ABCB10: variants seen among roughly 807,000 people sequenced by gnomAD.
ABCB10 encodes the protein ATP-binding cassette sub-family B member 10, mitochondrial.
A neutral mutation model predicts 65.4 loss-of-function variants in ABCB10; 54 were observed. The observed-to-expected ratio is 0.83, with a 90% CI of 0.66 to 1.04. The LOEUF (loss-of-function observed/expected upper bound fraction) is 1.04, where lower values mean the gene tolerates loss of function less well. Among genes scored for constraint, ABCB10 ranks in the 50% least tolerant of loss-of-function variants. The probability of loss-of-function intolerance (pLI) is 0.00; values close to 1 mark genes in which losing one functional copy is unlikely to be tolerated. For synonymous variants in ABCB10, 418 were observed against 406.5 expected (o/e 1.03, Z -0.34); for missense variants, 846 against 976.6 (o/e 0.87, Z 1.78).
At chr1:229,540,467 A>G in intron 5 of ABCB10, 139 bp downstream of exon 5, 2 of 887,418 alleles carry the variant, frequency 2.3e-6, no homozygotes, top group Non-Finnish European at 3.2e-6. Context: ...TATTTTAAAG[A>G]AAGTCATTCT....
intron 12 of ABCB10, 109 bp from the exon 13 acceptor site, chr1:229,518,519 A>G: frequency 1.1e-6 from 1 of 910,644 alleles, no homozygotes; most frequent in Non-Finnish European, 1.7e-6. Flanking sequence ...CATGATCAAA[A>G]TTTCAACTGT....
chr1:229,519,024 G>A (rs373546717), intron 11 of ABCB10, 149 bp from the exon 12 acceptor site: 1 of 604,288 alleles, frequency 1.7e-6, no homozygotes, highest in Non-Finnish European at 2.8e-6. Flanking sequence ...CAGACACAAA[G>A]AATCACATAC....
At chr1:229,540,326 G>C (rs1662814608) in intron 5 of ABCB10, among the ~76,000 whole-genome samples, 1 of 152,106 alleles carries the variant, frequency 6.6e-6, no homozygotes, top group African/African-American at 2.4e-5. Context: ...GCTGAGTCTT[G>C]GTGAGGCAGA....
In ABCB10 at chr1:229,558,644, G is replaced by C. The variant is rs1193093473; in HGVS notation, c.9C>G (p.Gly3=). 7.4e-6 allele frequency: 10 copies of C among 1,360,350 alleles called. No homozygotes were observed. The highest frequency in any genetic ancestry group is 9.4e-6 in the Non-Finnish European group (10 of 1,058,700). The allele number at this position is 1,360,350 out of a possible 1,614,324, so 84.3% of individuals were successfully genotyped here. Residue 3 remains glycine, a synonymous_variant, in exon 1 of 13, where the codon GGC becomes GGG. Transcript: ENST00000344517. ...GCAGCCGCAGCGGCCAGGCAGGGGG[G>C]CCTCGCATGGCGCTGCGTGCGACCC... MR[G]PPAWPLRLLE... is the part of the protein sequence containing the mutation.
chr1:229,549,376 C>G lies in ABCB10; in HGVS notation c.576G>C (p.Leu192=). ...TATAGATGACATCAATGATCTTCCC[C>G]AGGAAGAAAGGGGCAGACATGGAGA... ...SVISMSAPFF[L]GKIIDVIYTN... Residue 192 remains leucine, a synonymous_variant, in exon 2 of 13, where the codon CTG becomes CTC. Coordinates refer to ENST00000344517, the MANE Select transcript of ABCB10 (RefSeq NM_012089.3). 1 of 1,614,154 alleles carries G rather than the reference C, an allele frequency of 6.2e-7. No homozygotes were observed. Among genetic ancestry groups the G allele is most frequent in the East Asian group, 2.2e-5 (1 of 44,880 alleles).
chr1:229,547,325 G>T (rs921882023), intron 3 of ABCB10, among the ~76,000 whole-genome samples, 174 bp downstream of exon 3: 3 of 152,218 alleles, frequency 2.0e-5, no homozygotes, highest in African/African-American at 7.2e-5. Context: ...GGTACAAGAG[G>T]CCATGCAGGC....
rs1251299677 is a variant in ABCB10, at chr1:229,525,925, A to T, written c.1906+11T>A. ...ATAGAGACTTTGCTACAAAGCAGTAAAGAAATGCACCTGAGAGGAGAACAC... is the reference window on the plus strand; with the variant it reads ...ATAGAGACTTTGCTACAAAGCAGTATAGAAATGCACCTGAGAGGAGAACAC... On this transcript the variant is annotated intron_variant, in intron 10 of 12. Coordinates refer to ENST00000344517, the MANE Select transcript of ABCB10 (RefSeq NM_012089.3). 3 of 1,600,360 alleles carry T rather than the reference A, an allele frequency of 1.9e-6. No individual in the cohort carries two copies. Among genetic ancestry groups the T allele is most frequent in the Non-Finnish European group, 2.6e-6 (3 of 1,173,938 alleles).
Position 229,539,587 on chromosome 1 carries a change from C to A in ABCB10, c.1208G>T (p.Gly403Val). 6.2e-7 allele frequency: 1 copy of A among 1,612,664 alleles called. No individual in the cohort carries two copies. ...AAGCACGATCAGGTTTCCGGAGAGCCCAGTCTGTCGAATGAAGAAAACACA... is the reference window on the plus strand; with the variant it reads ...AAGCACGATCAGGTTTCCGGAGAGCACAGTCTGTCGAATGAAGAAAACACA... ...FARAGFFGAT[G>V]LSGNLIVLSV... Residue 403 changes from glycine (G) to valine (V), a missense_variant, in exon 6 of 13, where the codon GGG becomes GTG. By Grantham distance (109) the Gly-to-Val change is moderately radical (BLOSUM62 -3). This residue lies in a region of ABCB10 where 632 missense variants were observed against 803.2 expected (regional missense o/e 0.79). Coordinates refer to ENST00000344517, the MANE Select transcript of ABCB10 (RefSeq NM_012089.3).
At chr1:229,539,331 T>C (rs1662788446) in intron 6 of ABCB10, 125 bp downstream of exon 6, 2 of 1,409,104 alleles carry the variant, frequency 1.4e-6, no homozygotes, top group Non-Finnish European at 2.0e-6. Context: ...GTTGGAATAA[T>C]AACATTCTAG....
At chr1:229,546,151 G>A (rs1662960968) in intron 3 of ABCB10, among the ~76,000 whole-genome samples, 1 of 143,708 alleles carries the variant, frequency 7.0e-6, no homozygotes, top group African/African-American at 2.6e-5. Context: ...CAGCCCGGAT[G>A]ACAGTGCGAT....
At chr1:229,544,416 C>CAAAAA (rs35004821) in intron 3 of ABCB10, among the ~76,000 whole-genome samples, 1 of 60,994 alleles carries the variant, frequency 1.6e-5, no homozygotes, top group Non-Finnish European at 3.0e-5. Flanking sequence ...GACCTTCTCT[C>CAAAAA]AAAAAAAAAA....
intron 7 of ABCB10, among the ~76,000 whole-genome samples, chr1:229,531,085 T>C (rs1025953232): frequency 5.9e-5 from 9 of 152,170 alleles, no homozygotes; most frequent in South Asian, 2.1e-4. Flanking sequence ...TTACTACTCA[T>C]AGCCATTTCT....
In ABCB10 at chr1:229,525,839, C is replaced by T. The variant is rs955876842; in HGVS notation, c.1906+97G>A. 2.8e-5 allele frequency: 40 copies of T among 1,423,648 alleles called. 1 individual carries two copies. In the South Asian group the frequency reaches 3.2e-4, roughly 12 times the overall value. The allele number at this position is 1,423,648 out of a possible 1,614,324, so 88.2% of individuals were successfully genotyped here. A position where few individuals can be genotyped will look rare whatever the true frequency, so the allele number is the denominator to read the frequency against. ...GGTGACAGAGCAAGACTCAAGACTC[C>T]GTCTCAAAAACAAAACAAACAAACA... On this transcript the variant is annotated intron_variant, in intron 10 of 12. Coordinates refer to ENST00000344517, the MANE Select transcript of ABCB10 (RefSeq NM_012089.3).
intron 10 of ABCB10, among the ~76,000 whole-genome samples, chr1:229,521,999 TGAGA>T (rs1328624071): frequency 2.0e-5 from 3 of 151,660 alleles, no homozygotes; most frequent in Non-Finnish European, 4.4e-5. Flanking sequence ...CCCAAGTAGC[TGAGA>T]CTACAGGTGT....
In ABCB10 at chr1:229,518,282, TCAAGAACAG is replaced by T; in HGVS notation, c.2105_2113del (p.Ala702_Leu704del). ...TCCATATTCAGTAATTTTTCCTTGG[TCAAGAACAG>T]CAACCATATTAGCATTCTTAATGGT... is the stretch of plus-strand genomic sequence containing the variant. On this transcript the variant is annotated inframe_deletion, in exon 13 of 13. Coordinates refer to ENST00000344517, the MANE Select transcript of ABCB10 (RefSeq NM_012089.3). The T allele has an allele frequency of 6.2e-7, 1 of 1,614,202 alleles. No homozygotes were observed. The highest frequency in any genetic ancestry group is 8.5e-7 in the Non-Finnish European group (1 of 1,180,030).
At chr1:229,550,469 G>A (rs1663079916) in intron 1 of ABCB10, among the ~76,000 whole-genome samples, 4 of 139,938 alleles carry the variant, frequency 2.9e-5, no homozygotes. Flanking sequence ...AGACTGCAGT[G>A]AGCCATGATT....
At chr1:229,537,982 C>T (rs1662760065) in intron 6 of ABCB10, among the ~76,000 whole-genome samples, 1 of 152,158 alleles carries the variant, frequency 6.6e-6, no homozygotes, top group Admixed American at 6.5e-5. Context: ...CACTGACCTA[C>T]CCATATTTTC....
At chr1:229,555,593 T>C (rs1192521056) in intron 1 of ABCB10, among the ~76,000 whole-genome samples, 1 of 152,210 alleles carries the variant, frequency 6.6e-6, no homozygotes, top group Non-Finnish European at 1.5e-5. Context: ...CCCAGCAAAA[T>C]GCTGAGACAG....
intron 8 of ABCB10, among the ~76,000 whole-genome samples, chr1:229,528,608 C>A (rs1020704951): frequency 1.3e-5 from 2 of 152,194 alleles, no homozygotes; most frequent in Non-Finnish European, 2.9e-5. Flanking sequence ...ACATATTTAT[C>A]TGACATGTAA....
Sources: allele counts gnomAD v4.1 joint callset (sites outside exome capture counted in the v4.1 genomes callset), GRCh38; gene constraint gnomAD v4.1.1; regional missense constraint gnomAD v4.1.1; transcripts MANE v1.5; gene names NCBI Gene and HGNC (gene_info 2026-07-23, HGNC 2026-07-21).